The following TEC variants were observed in gnomAD, a reference collection of about 807,000 sequenced individuals.
TEC encodes tyrosine-protein kinase Tec.
A neutral mutation model predicts 93.0 loss-of-function variants in TEC; 72 were observed. That is an observed-to-expected ratio of 0.77 (90% confidence interval 0.64 to 0.94). TEC has a LOEUF of 0.94. TEC is among the 40% of genes least tolerant of loss of function. The pLI, the probability that TEC is intolerant of heterozygous loss-of-function variation, is 0.00. For missense variants in TEC, 630 were observed against 757.9 expected, an observed-to-expected ratio of 0.83 and a Z score of 1.98; for synonymous variants, 249 against 247.7, an observed-to-expected ratio of 1.01 and a Z score of -0.05.
chr4:48,269,457 G>A (rs971529186), intron 1 of TEC, among the ~76,000 whole-genome samples: 3 of 132,668 alleles, frequency 2.3e-5, no homozygotes, highest in African/African-American at 5.2e-5. Flanking sequence ...CAAGAAAAAG[G>A]GGCGGGTGTT....
At chr4:48,183,972 C>T (rs1267156728) in intron 2 of TEC, among the ~76,000 whole-genome samples, 1 of 152,072 alleles carries the variant, frequency 6.6e-6, no homozygotes, top group African/African-American at 2.4e-5. Context: ...ACTAAAATCC[C>T]TCAAAAACAG....
At chr4:48,194,842 A>T (rs758873705) in intron 2 of TEC, among the ~76,000 whole-genome samples, 9 of 152,230 alleles carry the variant, frequency 5.9e-5, no homozygotes, top group Non-Finnish European at 1.3e-4. Flanking sequence ...TGTGGGTTTA[A>T]TGCGGGCCAA....
intron 2 of TEC, among the ~76,000 whole-genome samples, chr4:48,185,256 T>C (rs1331301627): frequency 6.6e-6 from 1 of 152,232 alleles, no homozygotes; most frequent in Non-Finnish European, 1.5e-5. Flanking sequence ...AAAAGGCCTA[T>C]TCTATTCATA....
chr4:48,179,123 A>T (rs897884182), intron 2 of TEC, among the ~76,000 whole-genome samples: 9 of 151,996 alleles, frequency 5.9e-5, no homozygotes, highest in African/African-American at 2.2e-4. Context: ...TGTGTCAACA[A>T]CTGTGTGAAG....
At chr4:48,222,960 T>C (rs2109629254) in intron 2 of TEC, among the ~76,000 whole-genome samples, 1 of 152,268 alleles carries the variant, frequency 6.6e-6, no homozygotes, top group South Asian at 2.1e-4. Flanking sequence ...ATATATCCCA[T>C]ATATATCCTT....
intron 14 of TEC, among the ~76,000 whole-genome samples, chr4:48,143,743 G>A (rs1294966512): frequency 6.6e-6 from 1 of 152,012 alleles, no homozygotes; most frequent in Non-Finnish European, 1.5e-5. Flanking sequence ...AAACTTCCTG[G>A]GTTCAAATCC....
intron 2 of TEC, among the ~76,000 whole-genome samples, chr4:48,186,911 C>G (rs1011601229): frequency 1.3e-5 from 2 of 152,168 alleles, no homozygotes; most frequent in African/African-American, 4.8e-5. Context: ...TCTGCGTGGC[C>G]GCCACCCCAT....
intron 1 of TEC, among the ~76,000 whole-genome samples, chr4:48,236,343 G>A (rs1409271298): frequency 1.3e-5 from 2 of 151,588 alleles, no homozygotes; most frequent in Non-Finnish European, 2.9e-5. Flanking sequence ...GTGCAGTGGC[G>A]CAATCTCGGC....
chr4:48,139,499 A>C (rs1290398469), intron 15 of TEC, among the ~76,000 whole-genome samples: 2 of 151,884 alleles, frequency 1.3e-5, no homozygotes, highest in African/African-American at 4.9e-5. Context: ...AAAATAGCAA[A>C]TGCAAAAAAA....
At chr4:48,156,847 C>G in intron 8 of TEC, 113 bp from the exon 9 acceptor site, 1 of 765,200 alleles carries the variant, frequency 1.3e-6, no homozygotes, top group East Asian at 3.1e-5. Flanking sequence ...CAAATAAGAA[C>G]AAGATATCAC....
rs1387842118 is a variant in TEC, at chr4:48,179,352, A to ATATATC, written c.139-3167_139-3166insGATATA. 4.0e-3 allele frequency among the ~76,000 whole-genome samples: 114 copies of ATATATC among 28,164 alleles called. 5 individuals carry two copies. The highest frequency in any genetic ancestry group is 0.014 in the African/African-American group (93 of 6,528). The allele number at this position is 28,164 out of a possible 152,430, so 18.5% of individuals were successfully genotyped here. On this transcript the variant is annotated intron_variant, in intron 2 of 17. Transcript: ENST00000381501. ...TGACGTGGGTAGTATATATATATAT[A>ATATATC]TATATATATATATATATATATATAT... is the stretch of plus-strand genomic sequence containing the variant.
intron 8 of TEC, among the ~76,000 whole-genome samples, chr4:48,160,440 C>A (rs1352086818): frequency 6.6e-6 from 1 of 151,990 alleles, no homozygotes; most frequent in African/African-American, 2.4e-5. Context: ...GAAAGAAAAA[C>A]CTTTGGCCAG....
intron 7 of TEC, among the ~76,000 whole-genome samples, chr4:48,167,073 A>T (rs1432735790): frequency 6.6e-6 from 1 of 151,970 alleles, no homozygotes; most frequent in Non-Finnish European, 1.5e-5. Flanking sequence ...CAGGATACAG[A>T]GTTTGCTTAT....
chr4:48,260,011 T>C lies in TEC; in HGVS notation c.-46+9741A>G, dbSNP rs1724454982. On this transcript the variant is annotated intron_variant, in intron 1 of 17. Transcript: ENST00000381501. ...AGTTACATAACAACTCTTCCATGTT[T>C]TGTTACTGATCCTTGGAAAGTTTTC... 2.0e-5 allele frequency among the ~76,000 whole-genome samples: 3 copies of C among 152,206 alleles called. No individual in the cohort carries two copies. The South Asian group carries it at 6.2e-4, about 32-fold the overall frequency.
chr4:48,139,125 G>A, intron 15 of TEC, 103 bp from the exon 16 acceptor site: 1 of 996,842 alleles, frequency 1.0e-6, no homozygotes, highest in South Asian at 1.5e-5. Context: ...ACAGTTGACT[G>A]AAGTCCAACA....
chr4:48,221,204 T>C (rs1723249949), intron 2 of TEC, among the ~76,000 whole-genome samples: 1 of 152,240 alleles, frequency 6.6e-6, no homozygotes, highest in South Asian at 2.1e-4. Flanking sequence ...ATACCATTTA[T>C]ATGGTTTGGC....
chr4:48,231,300 G>C (rs1192031144), intron 1 of TEC, among the ~76,000 whole-genome samples: 1 of 152,208 alleles, frequency 6.6e-6, no homozygotes, highest in Non-Finnish European at 1.5e-5. Context: ...TCACAGGAAA[G>C]CTCTTGCCCT....
At chr4:48,224,521 T>C (rs559187269) in intron 2 of TEC, among the ~76,000 whole-genome samples, 8 of 152,304 alleles carry the variant, frequency 5.3e-5, no homozygotes, top group African/African-American at 1.9e-4. Context: ...GCAACATCAC[T>C]TATGAAACCT....
intron 1 of TEC, among the ~76,000 whole-genome samples, chr4:48,268,111 G>A (rs1432165737): frequency 3.9e-5 from 6 of 152,236 alleles, no homozygotes; most frequent in Non-Finnish European, 7.3e-5. Context: ...CCACGGTTTG[G>A]TAAAACATAG....
Sources: allele counts gnomAD v4.1 joint callset (sites outside exome capture counted in the v4.1 genomes callset), GRCh38; gene constraint gnomAD v4.1.1; transcripts MANE v1.5; gene names NCBI Gene and HGNC (gene_info 2026-07-23, HGNC 2026-07-21).